Variants in FHIT observed in about 807,000 individuals in gnomAD.
FHIT encodes the protein bis(5'-adenosyl)-triphosphatase.
A neutral mutation model predicts 17.9 loss-of-function variants in FHIT; 19 were observed. That is an observed-to-expected ratio of 1.06 (90% CI 0.74 to 1.56). The LOEUF is 1.56. Among genes scored for constraint, FHIT ranks in the 40% most tolerant of loss-of-function variants. The pLI is 0.00. For missense variants in FHIT, 248 were observed against 189.2 expected (o/e 1.31, Z -1.82); for synonymous variants, 81 against 69.7 (o/e 1.16, Z -0.81).
chr3:60,911,942 T>C (rs1706764947), intron 3 of FHIT, among the ~76,000 whole-genome samples: 1 of 152,270 alleles, frequency 6.6e-6, no homozygotes, highest in African/African-American at 2.4e-5. Flanking sequence ...ATCAGCACTT[T>C]ACCACTGTAA....
chr3:60,803,269 A>G (rs1701260362), intron 4 of FHIT, among the ~76,000 whole-genome samples: 1 of 152,126 alleles, frequency 6.6e-6, no homozygotes, highest in South Asian at 2.1e-4. Context: ...TGTGAGCATG[A>G]GTTGTGTGTG....
rs2034897815 is a variant in FHIT at position 60,510,246 on chromosome 3, A to G, written c.103+26614T>C. Among the ~76,000 whole-genome samples the G allele has an allele frequency of 2.0e-5, 3 of 152,338 alleles. 1 individual carries two copies. Among genetic ancestry groups the G allele is most frequent in the Admixed American group, 6.5e-5 (1 of 15,302 alleles). Reference sequence around the variant, plus strand: ...ACAGCACTGAAAACCAAGCATAGTTAAGCCAGGATTGATGGGTAACAGCTG... The same window carrying G: ...ACAGCACTGAAAACCAAGCATAGTTGAGCCAGGATTGATGGGTAACAGCTG... On this transcript the variant is annotated intron_variant, in intron 5 of 9. Transcript: ENST00000492590.
At chr3:61,200,512 T>A (rs149431460) in intron 2 of FHIT, 105 bp downstream of exon 2, 30 of 152,772 alleles carry the variant, frequency 2.0e-4, no homozygotes, top group African/African-American at 6.7e-4. Flanking sequence ...AAGGAAGTTG[T>A]CCTGTCAGCT....
intron 8 of FHIT, among the ~76,000 whole-genome samples, chr3:59,801,752 G>A (rs1357308994): frequency 6.6e-6 from 1 of 152,050 alleles, no homozygotes; most frequent in Non-Finnish European, 1.5e-5. Context: ...AGCAGAGTGA[G>A]GTTTCGAGTG....
At chr3:60,785,896 GACACACAC>G (rs71092634) in intron 4 of FHIT, among the ~76,000 whole-genome samples, 6 of 85,882 alleles carry the variant, frequency 7.0e-5, no homozygotes, top group South Asian at 6.7e-4. Flanking sequence ...ACAAACAGAA[GACACACAC>G]ACACACACAC....
At chr3:60,054,770 T>C (rs1293416652) in intron 5 of FHIT, among the ~76,000 whole-genome samples, 1 of 152,198 alleles carries the variant, frequency 6.6e-6, no homozygotes, top group African/African-American at 2.4e-5. Context: ...TGGTGGTGGT[T>C]ACTGTTGTTT....
chr3:59,916,316 TC>T (rs753680034), intron 8 of FHIT, among the ~76,000 whole-genome samples: 4 of 152,152 alleles, frequency 2.6e-5, no homozygotes, highest in Admixed American at 6.5e-5. Flanking sequence ...CCAGGGGCTC[TC>T]GGGCCTTCAG....
intron 8 of FHIT, among the ~76,000 whole-genome samples, chr3:59,779,440 A>C (rs953688402): frequency 1.3e-5 from 2 of 152,130 alleles, no homozygotes; most frequent in Non-Finnish European, 2.9e-5. Context: ...GGGAGCCTTC[A>C]ATTAGAATTC....
rs575275060 is a variant in FHIT at position 60,073,249 on chromosome 3, G to C, written c.104-59097C>G. On this transcript the variant is annotated intron_variant, in intron 5 of 9. Transcript: ENST00000492590. Reference sequence around the variant, plus strand: ...TAAGTAGTAGAGATGGTTGACTCAAGATTCAAGAGTTTCCTGACCCCTTTA... The same window carrying C: ...TAAGTAGTAGAGATGGTTGACTCAACATTCAAGAGTTTCCTGACCCCTTTA... 9.6e-4 allele frequency among the ~76,000 whole-genome samples: 146 copies of C among 152,216 alleles called. 1 individual carries two copies. The highest frequency in any genetic ancestry group is 1.2e-3 in the African/African-American group (50 of 41,538).
chr3:60,786,424 C>T (rs567663444), intron 4 of FHIT, among the ~76,000 whole-genome samples: 2 of 152,286 alleles, frequency 1.3e-5, no homozygotes, highest in East Asian at 1.9e-4. Context: ...GGAAGCACTG[C>T]AGTGTAATAT....
chr3:59,916,034 G>C (rs938654116), intron 8 of FHIT, among the ~76,000 whole-genome samples: 1 of 152,060 alleles, frequency 6.6e-6, no homozygotes, highest in African/African-American at 2.4e-5. Context: ...AGGATGCAAA[G>C]TATTGTTACT....
chr3:60,786,188 T>G (rs1575522856), intron 4 of FHIT, among the ~76,000 whole-genome samples: 1 of 152,192 alleles, frequency 6.6e-6, no homozygotes, highest in East Asian at 1.9e-4. Flanking sequence ...CAACTTGAAC[T>G]TAGCCAAGTT....
At chr3:59,779,481 A>T (rs1267700525) in intron 8 of FHIT, among the ~76,000 whole-genome samples, 3 of 152,210 alleles carry the variant, frequency 2.0e-5, no homozygotes, top group Non-Finnish European at 4.4e-5. Context: ...TGTGTGCTAC[A>T]TTAGCTCCAT....
chr3:60,323,817 G>T (rs140955049), intron 5 of FHIT, among the ~76,000 whole-genome samples: 30 of 152,136 alleles, frequency 2.0e-4, no homozygotes, highest in Non-Finnish European at 3.7e-4. Context: ...AACTGTAGCC[G>T]GAAGGGATCC....
intron 5 of FHIT, among the ~76,000 whole-genome samples, chr3:60,215,993 T>C (rs536838481): frequency 2.6e-5 from 4 of 152,298 alleles, no homozygotes; most frequent in African/African-American, 7.2e-5. Context: ...GCACATGTAA[T>C]TACAGTAAAA....
chr3:60,114,002 C>A (rs7628285), intron 5 of FHIT, among the ~76,000 whole-genome samples: 7,744 of 20,772 alleles, frequency 0.37, 3,694 homozygotes, highest in Admixed American at 0.58. Flanking sequence ...ACCCCGTCTC[C>A]AAAAAAAAAA....
chr3:60,576,784 A>G (rs78559291), intron 4 of FHIT, among the ~76,000 whole-genome samples: 1,571 of 152,254 alleles, frequency 0.01, 43 homozygotes, highest in African/African-American at 0.036. Context: ...AGTAATGGGA[A>G]AAGTGCTTTC....
intron 4 of FHIT, among the ~76,000 whole-genome samples, chr3:60,576,949 T>TACACATACAC (rs1553657817): frequency 6.8e-6 from 1 of 146,746 alleles, no homozygotes; most frequent in African/African-American, 2.5e-5. Context: ...TCCATTTGCA[T>TACACATACAC]ACACACACAC....
chr3:59,761,903 T>A (rs562301607), intron 8 of FHIT, among the ~76,000 whole-genome samples: 1 of 152,276 alleles, frequency 6.6e-6, no homozygotes, highest in East Asian at 1.9e-4. Context: ...ACCAGCAATT[T>A]CATCATATAA....
Sources: gnomAD v4.1 joint callset for allele counts (sites outside exome capture counted in the v4.1 genomes callset) on GRCh38, gnomAD v4.1.1 for gene constraint, MANE v1.5 for transcripts, NCBI Gene and HGNC (gene_info 2026-07-23, HGNC 2026-07-21) for gene names.